NUP214: variants seen among roughly 807,000 people sequenced by gnomAD.
The protein encoded by NUP214 is nuclear pore complex protein Nup214.
NUP214 carries 79 observed loss-of-function variants against 196.2 expected under a neutral mutation model. That is an observed-to-expected ratio of 0.40 (90% confidence interval 0.34 to 0.49). NUP214 has a LOEUF of 0.49. Ranked by LOEUF, NUP214 falls within the 20% of genes least tolerant of loss-of-function variation. NUP214 has a pLI of 0.58. For missense variants in NUP214, 2,468 were observed against 2,539.0 expected, an observed-to-expected ratio of 0.97 and a Z score of 0.60; for synonymous variants, 1,020 against 990.5, an observed-to-expected ratio of 1.03 and a Z score of -0.56.
intron 26 of NUP214, chr9:131,191,532 G>A (rs1233611825): frequency 2.0e-5 from 3 of 152,134 alleles, no homozygotes; most frequent in African/African-American, 4.8e-5. Flanking sequence ...CAAACTATAA[G>A]TAAGTAGTTA....
At chr9:131,200,898 C>G (rs886326628) in intron 29 of NUP214, among the ~76,000 whole-genome samples, 25 of 151,142 alleles carry the variant, frequency 1.7e-4, no homozygotes, top group African/African-American at 4.6e-4. Flanking sequence ...CAGAAGAAAC[C>G]GAGGAGTAGA....
Position 131,130,827 on chromosome 9 carries a change from G to T in NUP214, c.654G>T (p.Gln218His). 2.5e-6 allele frequency: 4 copies of T among 1,614,038 alleles called. No individual in the cohort carries two copies. Among genetic ancestry groups the T allele is most frequent in the Non-Finnish European group, 3.4e-6 (4 of 1,179,892 alleles). The change falls in exon 5 of 36, where the codon CAG becomes CAT. Residue 218 changes from glutamine to histidine, a missense_variant. By Grantham distance (24) the Gln-to-His change is conservative. Around this residue, in one of 5 missense-constraint regions of NUP214, gnomAD observed 392 missense variants for 417.9 expected, o/e 0.94. Coordinates refer to ENST00000359428, the MANE Select transcript of NUP214 (RefSeq NM_005085.4). Reference sequence around the variant, plus strand: ...GAAAACAGAATGGAACTGTGGTCCAGTATCTTCCTGTAAGTTCTTATCTTG... The same window carrying T: ...GAAAACAGAATGGAACTGTGGTCCATTATCTTCCTGTAAGTTCTTATCTTG... Reference protein sequence around the residue: ...AVGKQNGTVVQYLPTLQEKKV... With the variant: ...AVGKQNGTVVHYLPTLQEKKV...
Position 131,228,337 on chromosome 9 carries a change from C to T in NUP214, c.6074+6C>T. On this transcript the variant is annotated splice_donor_region_variant and intron_variant, in intron 33 of 35. Transcript: ENST00000359428. ...GCCAGCGCAGGAGGATTCGGGTAAG[C>T]CCCCTGGGGAGGGCCCTTGGGAACC... is the stretch of plus-strand genomic sequence containing the variant. 1.3e-6 allele frequency: 2 copies of T among 1,575,158 alleles called. No individual in the cohort carries two copies. Among genetic ancestry groups the T allele is most frequent in the East Asian group, 2.4e-5 (1 of 41,838 alleles).
intron 33 of NUP214, chr9:131,229,860 A>G (rs767492474): frequency 3.3e-5 from 15 of 461,330 alleles, no homozygotes; most frequent in Non-Finnish European, 5.5e-5. Context: ...AGTTTTAGAT[A>G]CTTTTTCTTG....
At chr9:131,130,396 C>A (rs1410456103) in intron 4 of NUP214, among the ~76,000 whole-genome samples, 1 of 151,912 alleles carries the variant, frequency 6.6e-6, no homozygotes, top group Non-Finnish European at 1.5e-5. Flanking sequence ...CCGTCCGTCT[C>A]ATCCTCCCAA....
At chr9:131,214,142 AG>A (rs1177383053) in intron 30 of NUP214, among the ~76,000 whole-genome samples, 1 of 152,076 alleles carries the variant, frequency 6.6e-6, no homozygotes, top group Non-Finnish European at 1.5e-5. Context: ...GGGATACCCT[AG>A]GGGGTGGGGG....
chr9:131,209,058 A>T (rs1275010719), intron 30 of NUP214, among the ~76,000 whole-genome samples: 1 of 152,008 alleles, frequency 6.6e-6, no homozygotes, highest in Admixed American at 6.6e-5. Flanking sequence ...TTCATGCTAC[A>T]TATAGATAAA....
At chr9:131,170,442 G>A (rs556648809) in intron 21 of NUP214, among the ~76,000 whole-genome samples, 111 of 152,200 alleles carry the variant, frequency 7.3e-4, no homozygotes, top group Non-Finnish European at 1.2e-3. Flanking sequence ...TGAACTCTCA[G>A]TTCCTGAACT....
intron 11 of NUP214, among the ~76,000 whole-genome samples, chr9:131,143,822 T>G (rs1832002509): frequency 6.6e-6 from 1 of 152,182 alleles, no homozygotes; most frequent in South Asian, 2.1e-4. Context: ...GTTTTTTTTT[T>G]GGTCACTTCT....
chr9:131,140,566 C>T lies in NUP214; in HGVS notation c.1150C>T (p.Pro384Ser). Residue 384 changes from proline to serine, a missense_variant, in exon 11 of 36, where the codon CCT becomes TCT. Physicochemically the swap from Pro to Ser is moderately conservative, Grantham distance 74. Around this residue, in one of 5 missense-constraint regions of NUP214, gnomAD observed 1,801 missense variants for 1,779.4 expected, o/e 1.01. Coordinates refer to ENST00000359428, the MANE Select transcript of NUP214 (RefSeq NM_005085.4). ...TTTAACAGGTGATGAAAAGACTCTTCCTCCTGCTCCAGTTCTCATGTTACT... is the reference window on the plus strand; with the variant it reads ...TTTAACAGGTGATGAAAAGACTCTTTCTCCTGCTCCAGTTCTCATGTTACT... Reference protein sequence around the residue: ...EITISDEKTLPPAPVLMLLST... With the variant: ...EITISDEKTLSPAPVLMLLST... 1.9e-6 allele frequency: 3 copies of T among 1,609,030 alleles called. No homozygotes were observed. The highest frequency in any genetic ancestry group is 2.5e-6 in the Non-Finnish European group (3 of 1,178,584).
chr9:131,201,823 T>C (rs537685276), intron 30 of NUP214, 106 bp downstream of exon 30: 8 of 952,132 alleles, frequency 8.4e-6, no homozygotes, highest in Non-Finnish European at 1.4e-5. Flanking sequence ...CCAGCAAATA[T>C]AGCCCTGTGT....
At chr9:131,138,233 C>T (rs190167482) in intron 9 of NUP214, among the ~76,000 whole-genome samples, 37 of 149,356 alleles carry the variant, frequency 2.5e-4, no homozygotes, top group African/African-American at 8.1e-4. Flanking sequence ...CCTCCGCTCT[C>T]CTCCCCTCCC....
chr9:131,157,804 C>A (rs940604141), intron 17 of NUP214, among the ~76,000 whole-genome samples: 2 of 152,016 alleles, frequency 1.3e-5, no homozygotes, highest in African/African-American at 4.8e-5. Flanking sequence ...CGCCACCACA[C>A]CCGGGTAATT....
chr9:131,206,239 A>G (rs1256562762), intron 30 of NUP214, among the ~76,000 whole-genome samples: 1 of 143,650 alleles, frequency 7.0e-6, no homozygotes, highest in Non-Finnish European at 1.5e-5. Flanking sequence ...TTTGCCTCCC[A>G]GGCTCAAGTG....
chr9:131,223,701 T>G (rs1564219630), intron 32 of NUP214, among the ~76,000 whole-genome samples: 2 of 112,398 alleles, frequency 1.8e-5, no homozygotes, highest in Non-Finnish European at 3.7e-5. Flanking sequence ...GCAAATCACT[T>G]TTTTTTTATT....
rs1833840319 is a variant in NUP214, at chr9:131,198,009, A to T, written c.4515A>T (p.Pro1505=). ...CTTCATCAGCTTTGCCTGAGAAGCC[A>T]GGTGACAGTGAGGTCTCAGCATCAG... ...EATSSALPEK[P]GDSEVSASAA... Residue 1505 remains proline (P), a synonymous_variant, in exon 29 of 36, where the codon CCA becomes CCT. Transcript: ENST00000359428. 6.2e-7 allele frequency: 1 copy of T among 1,614,086 alleles called. No individual in the cohort carries two copies. The highest frequency in any genetic ancestry group is 2.2e-5 in the East Asian group (1 of 44,904).
rs772909246 is a variant in NUP214 at position 131,159,469 on chromosome 9, A to G, written c.2523A>G (p.Glu841=). The change falls in exon 18 of 36, where the codon GAA becomes GAG. Residue 841 remains glutamate (E), a synonymous_variant. Coordinates refer to ENST00000359428, the MANE Select transcript of NUP214 (RefSeq NM_005085.4). ...ACTTGGAGTGGGATCAGCATCTGGAACAAAAGAAAAAACAAAGGTGAATGA... is the reference window on the plus strand; with the variant it reads ...ACTTGGAGTGGGATCAGCATCTGGAGCAAAAGAAAAAACAAAGGTGAATGA... The part of the protein sequence containing the change: ...VLDLEWDQHL[E]QKKKQRHLLV... 2.5e-6 allele frequency: 4 copies of G among 1,613,490 alleles called. No individual in the cohort carries two copies. The highest frequency in any genetic ancestry group is 3.4e-6 in the Non-Finnish European group (4 of 1,179,398).
At chr9:131,230,287 C>A in intron 33 of NUP214, 1 of 230,672 alleles carries the variant, frequency 4.3e-6, no homozygotes, top group Non-Finnish European at 8.6e-6. Flanking sequence ...GTGAGAAATG[C>A]TAAAATGATA....
At chr9:131,225,966 C>T (rs1313411988) in intron 32 of NUP214, among the ~76,000 whole-genome samples, 1 of 152,182 alleles carries the variant, frequency 6.6e-6, no homozygotes, top group Non-Finnish European at 1.5e-5. Context: ...CAGTGGTCTA[C>T]ACCCTGCTGT....
Sources: allele counts gnomAD v4.1 joint callset (sites outside exome capture counted in the v4.1 genomes callset), GRCh38; gene constraint gnomAD v4.1.1; regional missense constraint gnomAD v4.1.1; transcripts MANE v1.5; gene names NCBI Gene and HGNC (gene_info 2026-07-23, HGNC 2026-07-21).